The following OR6C70 variants were observed in gnomAD, a reference collection of about 807,000 sequenced individuals.
OR6C70 encodes olfactory receptor family 6 subfamily C member 70, also known as olfactory receptor 6C70.
For synonymous variants in OR6C70, 157 were observed against 130.8 expected, an observed-to-expected ratio of 1.20 and a Z score of -1.36; for missense variants, 437 against 357.5, an observed-to-expected ratio of 1.22 and a Z score of -1.79.
Position 55,469,299 on chromosome 12 carries a change from G to A in OR6C70, c.840C>T (p.Ala280=), listed in dbSNP as rs1336359912. Residue 280 remains alanine (A), a synonymous_variant, in exon 1 of 1, where the codon GCC becomes GCT. Transcript: ENST00000327335. ...KGVTVLNTSV[A]PLLNPFIYTL... is the part of the protein sequence containing the mutation. ...TATAAATAAATGGGTTTAACAACGGGGCAACTGAAGTATTGAGCACAGTTA... is the reference window on the plus strand; with the variant it reads ...TATAAATAAATGGGTTTAACAACGGAGCAACTGAAGTATTGAGCACAGTTA... The A allele has an allele frequency of 6.2e-7, 1 of 1,613,522 alleles. No homozygotes were observed. Among genetic ancestry groups the A allele is most frequent in the Non-Finnish European group, 8.5e-7 (1 of 1,179,732 alleles).
In OR6C70 at chr12:55,469,995, C is replaced by G. The variant is rs1382209235; in HGVS notation, c.144G>C (p.Leu48=). The stretch of plus-strand genomic sequence containing the variant: ...TTGGAGTCTTGAGCTGGGAATCCAG[C>G]AGAATGAGGGCAATGATAGTGAAGT... The part of the protein sequence containing the change: ...IGNFTIIALI[L]LDSQLKTPMY... Residue 48 remains leucine (L), a synonymous_variant, in exon 1 of 1, where the codon CTG becomes CTC. Coordinates refer to ENST00000327335, the MANE Select transcript of OR6C70 (RefSeq NM_001005499.1). 1 of 1,613,890 alleles carries G rather than the reference C, an allele frequency of 6.2e-7. No homozygotes were observed. The highest frequency in any genetic ancestry group is 1.3e-5 in the African/African-American group (1 of 74,890).
At position 55,469,962 on chromosome 12, in the gene OR6C70, G is replaced by A. The variant is rs147422635; in HGVS notation, c.177C>T (p.Phe59=). The A allele has an allele frequency of 2.0e-5, 32 of 1,613,858 alleles. No individual in the cohort carries two copies. The highest frequency in any genetic ancestry group is 2.7e-5 in the African/African-American group (2 of 74,916). Residue 59 remains phenylalanine, a synonymous_variant, in exon 1 of 1, where the codon TTC becomes TTT. Transcript: ENST00000327335. The stretch of plus-strand genomic sequence containing the variant: ...CCAGAAAAGAGAAATTACGGAGGAA[G>A]AAATACATTGGAGTCTTGAGCTGGG... ...LDSQLKTPMY[F]FLRNFSFLEI... is the part of the protein sequence containing the mutation.
At position 55,469,580 on chromosome 12, in the gene OR6C70, A is replaced by C; in HGVS notation, c.559T>G (p.Cys187Gly). 6.2e-7 allele frequency: 1 copy of C among 1,613,862 alleles called. No individual in the cohort carries two copies. The highest frequency in any genetic ancestry group is 1.3e-5 in the African/African-American group (1 of 75,062). ...CDISLILQLS[C>G]SDTHLLELIA... Reference sequence around the variant, plus strand: ...AGTTCCAGTAAATGTGTGTCTGAGCAAGAAAGTTGTAGGATAAGAGAAATG... The same window carrying C: ...AGTTCCAGTAAATGTGTGTCTGAGCCAGAAAGTTGTAGGATAAGAGAAATG... The change falls in exon 1 of 1, where the codon TGC (cysteine) becomes GGC (glycine). Residue 187 changes from cysteine (C) to glycine (G), a missense_variant. Physicochemically the swap from Cys to Gly is radical, Grantham distance 159. Transcript: ENST00000327335.
Position 55,469,426 on chromosome 12 carries a change from G to C in OR6C70, c.713C>G (p.Thr238Ser), listed in dbSNP as rs562989194. 6.2e-7 allele frequency: 1 copy of C among 1,613,744 alleles called. No individual in the cohort carries two copies. The highest frequency in any genetic ancestry group is 2.2e-5 in the East Asian group (1 of 44,866). The stretch of plus-strand genomic sequence containing the variant: ...GACAACAATCATGTGAGAAGAGCAG[G>C]TGGAAAAGGCTTTCTTCTTTTGCTG... ...SAQQKKKAFS[T>S]CSSHMIVVSI... The change falls in exon 1 of 1, where the codon ACC (threonine) becomes AGC (serine). Residue 238 changes from threonine (T) to serine (S), a missense_variant. Thr to Ser is a moderately conservative substitution (Grantham distance 58, BLOSUM62 1). Transcript: ENST00000327335.
In OR6C70 at chr12:55,469,485, G is replaced by T. The variant is rs774762314; in HGVS notation, c.654C>A (p.Tyr218Ter). 6.2e-7 allele frequency: 1 copy of T among 1,613,982 alleles called. No homozygotes were observed. Among genetic ancestry groups the T allele is most frequent in the Admixed American group, 1.7e-5 (1 of 60,010 alleles). Reference sequence around the variant, plus strand: ...GGAATTTCAGAATTGTCTTGATGATGTAAGAGTAAGAAAGGATTACTAAAA... The same window carrying T: ...GGAATTTCAGAATTGTCTTGATGATTTAAGAGTAAGAAAGGATTACTAAAA... ...TLFLVILSYS[Y>*]IIKTILKFPS... The change falls in exon 1 of 1, where the codon TAC becomes TAA. Residue 218 changes from tyrosine (Y) to a stop codon, truncating the protein, a stop_gained. Coordinates refer to ENST00000327335, the MANE Select transcript of OR6C70 (RefSeq NM_001005499.1). LOFTEE classifies it low-confidence loss of function (END_TRUNC).
chr12:55,469,894 G>T lies in OR6C70; in HGVS notation c.245C>A (p.Thr82Asn), dbSNP rs753596075. The stretch of plus-strand genomic sequence containing the variant: ...AATGGTCTTTTCCCTGGTAACAATG[G>T]TGATTAGGAATCTGGGAATGCAAGC... Reference protein sequence around the residue: ...TTACIPRFLITIVTREKTISC... With the variant: ...TTACIPRFLINIVTREKTISC... Residue 82 changes from threonine to asparagine, a missense_variant, in exon 1 of 1, where the codon ACC becomes AAC. Transcript: ENST00000327335. The T allele has an allele frequency of 4.3e-6, 7 of 1,613,950 alleles. No homozygotes were observed. The Admixed American group carries it at 1.2e-4, about 27-fold the overall frequency.
At position 55,470,127 on chromosome 12, in the gene OR6C70, A is replaced by G. The variant is rs1871917583; in HGVS notation, c.12T>C (p.His4=). The change falls in exon 1 of 1, where the codon CAT becomes CAC. Residue 4 remains histidine, a synonymous_variant. Transcript: ENST00000327335. MKN[H]TRQIEFILLG... ...GAAGAATAAATTCTATCTGCCTTGT[A>G]TGATTCTTCATTTCTCTGTTGTGAT... 6.3e-7 allele frequency: 1 copy of G among 1,577,730 alleles called. No homozygotes were observed. Among genetic ancestry groups the G allele is most frequent in the Non-Finnish European group, 8.6e-7 (1 of 1,159,730 alleles).
Position 55,469,932 on chromosome 12 carries a change from A to G in OR6C70, c.207T>C (p.Ile69=). ...FFLRNFSFLE[I]SFTTACIPRF... Reference sequence around the variant, plus strand: ...TGGGAATGCAAGCAGTTGTGAATGAAATTTCCAGAAAAGAGAAATTACGGA... The same window carrying G: ...TGGGAATGCAAGCAGTTGTGAATGAGATTTCCAGAAAAGAGAAATTACGGA... Residue 69 remains isoleucine (I), a synonymous_variant, in exon 1 of 1, where the codon ATT becomes ATC. Coordinates refer to ENST00000327335, the MANE Select transcript of OR6C70 (RefSeq NM_001005499.1). 6.2e-7 allele frequency: 1 copy of G among 1,613,736 alleles called. No homozygotes were observed. Among genetic ancestry groups the G allele is most frequent in the Non-Finnish European group, 8.5e-7 (1 of 1,179,812 alleles).
Position 55,469,925 on chromosome 12 carries a change from T to C in OR6C70, c.214A>G (p.Thr72Ala), listed in dbSNP as rs748321392. ...AGGAATCTGGGAATGCAAGCAGTTGTGAATGAAATTTCCAGAAAAGAGAAA... is the reference window on the plus strand; with the variant it reads ...AGGAATCTGGGAATGCAAGCAGTTGCGAATGAAATTTCCAGAAAAGAGAAA... ...RNFSFLEISF[T>A]TACIPRFLIT... Residue 72 changes from threonine to alanine, a missense_variant, in exon 1 of 1, where the codon ACA (threonine) becomes GCA (alanine). Transcript: ENST00000327335. 1.1e-5 allele frequency: 18 copies of C among 1,613,714 alleles called. No homozygotes were observed. The highest frequency in any genetic ancestry group is 1.5e-5 in the Non-Finnish European group (18 of 1,179,810).
Position 55,469,576 on chromosome 12 carries a change from G to T in OR6C70, c.563C>A (p.Ser188Ter). 1 of 1,613,530 alleles carries T rather than the reference G, an allele frequency of 6.2e-7. No individual in the cohort carries two copies. The highest frequency in any genetic ancestry group is 1.1e-5 in the South Asian group (1 of 91,016). Residue 188 changes from serine to a stop codon, truncating the protein, a stop_gained, in exon 1 of 1, where the codon TCA becomes TAA. Coordinates refer to ENST00000327335, the MANE Select transcript of OR6C70 (RefSeq NM_001005499.1). LOFTEE classifies it low-confidence loss of function (END_TRUNC). The stretch of plus-strand genomic sequence containing the variant: ...AATCAGTTCCAGTAAATGTGTGTCT[G>T]AGCAAGAAAGTTGTAGGATAAGAGA... ...DISLILQLSC[S>*]DTHLLELIAF...
rs1231319211 is a variant in OR6C70 at position 55,469,884 on chromosome 12, G to A, written c.255C>T (p.Thr85=). The change falls in exon 1 of 1, where the codon ACC becomes ACT. Residue 85 remains threonine, a synonymous_variant. Transcript: ENST00000327335. The part of the protein sequence containing the change: ...CIPRFLITIV[T]REKTISCNGC... ...CATTACAGGAAATGGTCTTTTCCCT[G>A]GTAACAATGGTGATTAGGAATCTGG... The A allele has an allele frequency of 6.2e-7, 1 of 1,613,888 alleles. No homozygotes were observed. Among genetic ancestry groups the A allele is most frequent in the Non-Finnish European group, 8.5e-7 (1 of 1,179,874 alleles).
chr12:55,469,245 G>A lies in OR6C70; in HGVS notation c.894C>T (p.Ala298=), dbSNP rs1449394246. The A allele has an allele frequency of 6.2e-7, 1 of 1,612,598 alleles. No homozygotes were observed. Among genetic ancestry groups the A allele is most frequent in the Admixed American group, 1.7e-5 (1 of 59,990 alleles). ...YTLRNQQVKQ[A]FKAVFRKIFS... is the part of the protein sequence containing the mutation. ...ATATCTTTCTAAATACAGCTTTGAA[G>A]GCTTGTTTAACTTGCTGATTCCTCA... Residue 298 remains alanine (A), a synonymous_variant, in exon 1 of 1, where the codon GCC becomes GCT. Transcript: ENST00000327335.
At position 55,470,005 on chromosome 12, in the gene OR6C70, G is replaced by A. The variant is rs1871913831; in HGVS notation, c.134C>T (p.Ala45Val). Reference protein sequence around the residue: ...LSMIGNFTIIALILLDSQLKT... With the variant: ...LSMIGNFTIIVLILLDSQLKT... ...GAGCTGGGAATCCAGCAGAATGAGG[G>A]CAATGATAGTGAAGTTCCCTATCAT... Residue 45 changes from alanine to valine, a missense_variant, in exon 1 of 1, where the codon GCC (alanine) becomes GTC (valine). By Grantham distance (64) the Ala-to-Val change is moderately conservative. Transcript: ENST00000327335. The A allele has an allele frequency of 1.9e-6, 3 of 1,613,850 alleles. No individual in the cohort carries two copies. The highest frequency in any genetic ancestry group is 1.7e-5 in the Admixed American group (1 of 60,006).
At position 55,470,114 on chromosome 12, in the gene OR6C70, C is replaced by A. The variant is rs754200243; in HGVS notation, c.25G>T (p.Glu9Ter). The change falls in exon 1 of 1, where the codon GAA becomes TAA. Residue 9 changes from glutamate (E) to a stop codon, truncating the protein, a stop_gained. Transcript: ENST00000327335. LOFTEE classifies it low-confidence loss of function (END_TRUNC). MKNHTRQIEFILLGLTDNS... is the reference protein window; with the variant it reads MKNHTRQI ...TCCGTCAGTCCCAGAAGAATAAATTCTATCTGCCTTGTATGATTCTTCATT... is the reference window on the plus strand; with the variant it reads ...TCCGTCAGTCCCAGAAGAATAAATTATATCTGCCTTGTATGATTCTTCATT... 1 of 1,597,598 alleles carries A rather than the reference C, an allele frequency of 6.3e-7. No individual in the cohort carries two copies. Among genetic ancestry groups the A allele is most frequent in the Non-Finnish European group, 8.5e-7 (1 of 1,171,482 alleles).
rs1871900671 is a variant in OR6C70 at position 55,469,638 on chromosome 12, A to G, written c.501T>C (p.Cys167=). Reference sequence around the variant, plus strand: ...TGAAATGATCAATGATATTTGAAGCACAGAAATCCAAGTTAAGACCTAAAA... The same window carrying G: ...TGAAATGATCAATGATATTTGAAGCGCAGAAATCCAAGTTAAGACCTAAAA... ...PLILGLNLDF[C]ASNIIDHFIC... is the part of the protein sequence containing the mutation. The change falls in exon 1 of 1, where the codon TGT becomes TGC. Residue 167 remains cysteine, a synonymous_variant. Coordinates refer to ENST00000327335, the MANE Select transcript of OR6C70 (RefSeq NM_001005499.1). The G allele has an allele frequency of 1.2e-6, 2 of 1,613,978 alleles. No individual in the cohort carries two copies.
rs148484851 is a variant in OR6C70, at chr12:55,470,004, G to A, written c.135C>T (p.Ala45=). The A allele has an allele frequency of 6.2e-7, 1 of 1,613,874 alleles. No homozygotes were observed. The highest frequency in any genetic ancestry group is 8.5e-7 in the Non-Finnish European group (1 of 1,179,940). ...TGAGCTGGGAATCCAGCAGAATGAG[G>A]GCAATGATAGTGAAGTTCCCTATCA... is the stretch of plus-strand genomic sequence containing the variant. ...LSMIGNFTII[A]LILLDSQLKT... The change falls in exon 1 of 1, where the codon GCC becomes GCT. Residue 45 remains alanine (A), a synonymous_variant. Transcript: ENST00000327335.
chr12:55,469,765 C>A lies in OR6C70; in HGVS notation c.374G>T (p.Cys125Phe), dbSNP rs1400984280. 2 of 1,613,970 alleles carry A rather than the reference C, an allele frequency of 1.2e-6. No homozygotes were observed. ...GATGGACATATAACGCAAAGGTTTG[C>A]AGATGGCAACATAGCGATCATAGGA... The part of the protein sequence containing the change: ...ALSYDRYVAI[C>F]KPLRYMSIMS... The change falls in exon 1 of 1, where the codon TGC becomes TTC. Residue 125 changes from cysteine to phenylalanine, a missense_variant. Cys to Phe is a radical substitution (Grantham distance 205). Transcript: ENST00000327335.
rs377195328 is a variant in OR6C70 at position 55,469,367 on chromosome 12, T to G, written c.772A>C (p.Ile258Leu). 17 of 1,613,876 alleles carry G rather than the reference T, an allele frequency of 1.1e-5. No homozygotes were observed. The African/African-American group carries it at 1.5e-4, about 14-fold the overall frequency. Reference protein sequence around the residue: ...ITYGSCMFIYIKPSANERVAL... With the variant: ...ITYGSCMFIYLKPSANERVAL... ...ACTCTTTCATTCGCTGATGGCTTTA[T>G]GTAGATAAACATACAACTACCATAA... The change falls in exon 1 of 1, where the codon ATA becomes CTA. Residue 258 changes from isoleucine to leucine, a missense_variant. Physicochemically the swap from Ile to Leu is conservative, Grantham distance 5. Transcript: ENST00000327335.
Position 55,469,592 on chromosome 12 carries a change from GGATAA to G in OR6C70, c.542_546del (p.Leu181ProfsTer70), listed in dbSNP as rs768141492. The G allele has an allele frequency of 6.2e-6, 10 of 1,613,594 alleles. No homozygotes were observed. The African/African-American group carries it at 1.3e-4, about 22-fold the overall frequency. ...TGTGTGTCTGAGCAAGAAAGTTGTA[GGATAA>G]GAGAAATGTCACAAATGAAATGATC... On this transcript the variant is annotated frameshift_variant, in exon 1 of 1. Transcript: ENST00000327335. LOFTEE classifies it low-confidence loss of function (END_TRUNC).
Sources: allele counts gnomAD v4.1 joint callset, GRCh38; gene constraint gnomAD v4.1.1; transcripts MANE v1.5; gene names NCBI Gene and HGNC (gene_info 2026-07-23, HGNC 2026-07-21).